ZBTB20: variants seen among roughly 807,000 people sequenced by gnomAD.
The protein encoded by ZBTB20 is zinc finger and BTB domain containing 20.
In ZBTB20, 9 loss-of-function variants were observed where a neutral mutation model predicts 56.9. The ratio of observed to expected loss-of-function variants is 0.16; its 90% confidence interval spans 0.10 to 0.28. The LOEUF (loss-of-function observed/expected upper bound fraction) is 0.28, where lower values mean the gene tolerates loss of function less well. Ranked by LOEUF, ZBTB20 falls within the 10% of genes least tolerant of loss-of-function variation. The probability of loss-of-function intolerance (pLI) is 1.00; values close to 1 mark genes in which losing one functional copy is unlikely to be tolerated. For synonymous variants in ZBTB20, 417 were observed against 420.7 expected, an observed-to-expected ratio of 0.99 and a Z score of 0.11; for missense variants, 655 against 1,003.0, an observed-to-expected ratio of 0.65 and a Z score of 4.69.
intron 6 of ZBTB20, 93 bp downstream of exon 6, chr3:114,693,435 A>G (rs1305991577): frequency 2.6e-5 from 4 of 152,116 alleles, no homozygotes; most frequent in Non-Finnish European, 5.9e-5. Flanking sequence ...CAGCCTTTGG[A>G]TCTCATATTT....
intron 6 of ZBTB20, among the ~76,000 whole-genome samples, chr3:114,533,078 T>C (rs2048051459): frequency 6.6e-6 from 1 of 151,942 alleles, no homozygotes; most frequent in Non-Finnish European, 1.5e-5. Context: ...CCGAATGTCG[T>C]TTCTCCTCCA....
intron 6 of ZBTB20, among the ~76,000 whole-genome samples, chr3:114,515,903 T>G (rs950935143): frequency 1.3e-5 from 2 of 152,120 alleles, no homozygotes; most frequent in Non-Finnish European, 2.9e-5. Flanking sequence ...TTTGCAGACT[T>G]TATCTTTCCC....
chr3:114,965,748 C>T (rs374174074), intron 3 of ZBTB20, among the ~76,000 whole-genome samples: 6 of 152,066 alleles, frequency 3.9e-5, no homozygotes, highest in African/African-American at 7.2e-5. Flanking sequence ...TGCATTTCTC[C>T]GATGATTAGT....
chr3:115,133,713 A>G (rs1315367382), intron 1 of ZBTB20, among the ~76,000 whole-genome samples: 3 of 152,066 alleles, frequency 2.0e-5, no homozygotes, highest in Non-Finnish European at 4.4e-5. Flanking sequence ...GTACTTCATT[A>G]TTTTTTATGG....
At chr3:115,126,798 G>C (rs1222103630) in intron 1 of ZBTB20, among the ~76,000 whole-genome samples, 6 of 152,170 alleles carry the variant, frequency 3.9e-5, no homozygotes, top group Non-Finnish European at 8.8e-5. Context: ...ATAGGTGTAA[G>C]GAAATGTGAG....
intron 5 of ZBTB20, among the ~76,000 whole-genome samples, chr3:114,771,076 T>G (rs1354552620): frequency 6.6e-6 from 1 of 152,248 alleles, no homozygotes; most frequent in Non-Finnish European, 1.5e-5. Flanking sequence ...ATATGACTTC[T>G]GTTACGCAAT....
At chr3:114,557,829 T>C (rs1455181871) in intron 6 of ZBTB20, among the ~76,000 whole-genome samples, 4 of 152,038 alleles carry the variant, frequency 2.6e-5, no homozygotes, top group African/African-American at 9.7e-5. Context: ...TGAAAATAAG[T>C]GGTATATAAG....
At chr3:114,359,164 C>G (rs2081547936) in intron 10 of ZBTB20, among the ~76,000 whole-genome samples, 2 of 152,084 alleles carry the variant, frequency 1.3e-5, no homozygotes, top group Admixed American at 6.6e-5. Flanking sequence ...CCTCAAATCC[C>G]TTACTTATGA....
intron 6 of ZBTB20, among the ~76,000 whole-genome samples, chr3:114,546,389 C>T (rs1056202681): frequency 1.3e-5 from 2 of 152,104 alleles, no homozygotes; most frequent in African/African-American, 4.8e-5. Context: ...CAACATAGGT[C>T]CTTTGACTTT....
chr3:114,964,322 T>C (rs564423572), intron 3 of ZBTB20, among the ~76,000 whole-genome samples: 2 of 151,902 alleles, frequency 1.3e-5, no homozygotes, highest in African/African-American at 2.4e-5. Context: ...ACCTGAGGCA[T>C]GAGAAATGCT....
At chr3:115,123,043 A>C (rs2084227962) in intron 1 of ZBTB20, among the ~76,000 whole-genome samples, 1 of 152,122 alleles carries the variant, frequency 6.6e-6, no homozygotes, top group Non-Finnish European at 1.5e-5. Flanking sequence ...TCTTTTTTTC[A>C]AATGATCTGT....
intron 2 of ZBTB20, among the ~76,000 whole-genome samples, chr3:115,070,485 C>A (rs2082371088): frequency 6.6e-6 from 1 of 151,870 alleles, no homozygotes; most frequent in Admixed American, 6.6e-5. Context: ...ATTCTGTTGG[C>A]CAGAAGCAGG....
chr3:114,580,117 CAT>C (rs1217703850), intron 6 of ZBTB20, among the ~76,000 whole-genome samples: 1 of 151,550 alleles, frequency 6.6e-6, no homozygotes, highest in Non-Finnish European at 1.5e-5. Context: ...AAACATACTA[CAT>C]GTCAGTAAAT....
intron 5 of ZBTB20, among the ~76,000 whole-genome samples, chr3:114,710,745 C>T (rs1249368107): frequency 6.6e-6 from 1 of 152,162 alleles, no homozygotes; most frequent in East Asian, 1.9e-4. Context: ...TCCTGTATCA[C>T]CCTGACCCTG....
intron 6 of ZBTB20, among the ~76,000 whole-genome samples, chr3:114,532,644 G>C (rs1385865832): frequency 6.6e-6 from 1 of 152,190 alleles, no homozygotes; most frequent in Non-Finnish European, 1.5e-5. Context: ...TCTCCTAAGG[G>C]ACAGATTGCC....
intron 10 of ZBTB20, chr3:114,366,992 G>A (rs773866118): frequency 6.6e-6 from 1 of 152,150 alleles, no homozygotes; most frequent in Non-Finnish European, 1.5e-5. Flanking sequence ...TCAAGCCGAC[G>A]GACTTTCAAA....
At chr3:114,595,881 C>T (rs1363575825) in intron 6 of ZBTB20, among the ~76,000 whole-genome samples, 2 of 152,184 alleles carry the variant, frequency 1.3e-5, no homozygotes, top group Non-Finnish European at 2.9e-5. Flanking sequence ...ACTGGTCTCC[C>T]TTGTAGACCT....
At chr3:114,616,404 T>C (rs978092842) in intron 6 of ZBTB20, among the ~76,000 whole-genome samples, 1 of 152,160 alleles carries the variant, frequency 6.6e-6, no homozygotes, top group Admixed American at 6.5e-5. Flanking sequence ...GCATTATCCT[T>C]TGGTTGGTGA....
intron 3 of ZBTB20, among the ~76,000 whole-genome samples, chr3:114,933,500 G>T (rs1417463558): frequency 1.3e-5 from 2 of 152,230 alleles, no homozygotes; most frequent in Non-Finnish European, 2.9e-5. Flanking sequence ...AACACTGTGA[G>T]CCAAATCTGC....
Sources: allele counts gnomAD v4.1 joint callset (sites outside exome capture counted in the v4.1 genomes callset), GRCh38; gene constraint gnomAD v4.1.1; transcripts MANE v1.5; gene names NCBI Gene and HGNC (gene_info 2026-07-23, HGNC 2026-07-21).